The following AGBL1 variants were observed in gnomAD, a reference collection of about 807,000 sequenced individuals.
AGBL1 encodes cytosolic carboxypeptidase 4.
In AGBL1, 130 loss-of-function variants were observed where a neutral mutation model predicts 118.9. The ratio of observed to expected loss-of-function variants is 1.09; its 90% CI spans 0.95 to 1.26. The LOEUF (loss-of-function observed/expected upper bound fraction) is 1.26, where lower values mean the gene tolerates loss of function less well. AGBL1 is among the 50% of genes most tolerant of loss of function. The pLI, the probability that AGBL1 is intolerant of heterozygous loss-of-function variation, is 0.00. For synonymous variants in AGBL1, 555 were observed against 478.9 expected, an observed-to-expected ratio of 1.16 and a Z score of -2.08; for missense variants, 1,584 against 1,298.1, an observed-to-expected ratio of 1.22 and a Z score of -3.38.
chr15:86,805,740 A>T (rs2078706385), intron 22 of AGBL1, among the ~76,000 whole-genome samples: 1 of 152,154 alleles, frequency 6.6e-6, no homozygotes, highest in South Asian at 2.1e-4. Flanking sequence ...TAAAATGCTA[A>T]TTTTGCCCCA....
chr15:86,299,700 C>G (rs1218670281), intron 17 of AGBL1: 3 of 152,160 alleles, frequency 2.0e-5, no homozygotes, highest in Non-Finnish European at 1.5e-5. Context: ...AATCCTTCAA[C>G]ACATTATATG....
At chr15:86,148,247 C>T (rs1180451725) in intron 3 of AGBL1, among the ~76,000 whole-genome samples, 2 of 152,136 alleles carry the variant, frequency 1.3e-5, no homozygotes, top group East Asian at 3.9e-4. Context: ...CAGCTCCTTG[C>T]CAGCAACAGA....
rs762554172 is a variant in AGBL1, at chr15:86,402,258, C to T, written c.2555+4712C>T. ...AAGTGACTGAGTTCTTGATTTGATT[C>T]TCAGCTTAGTTACTGTTAGTGTATA... On this transcript the variant is annotated intron_variant, in intron 18 of 22. Transcript: ENST00000614907. Among the ~76,000 whole-genome samples, 54 of 151,822 alleles carry T rather than the reference C, an allele frequency of 3.6e-4. 1 individual carries two copies. Among genetic ancestry groups the T allele is most frequent in the African/African-American group, 1.3e-3 (53 of 41,394 alleles).
At chr15:86,656,097 A>G (rs901206451) in intron 21 of AGBL1, among the ~76,000 whole-genome samples, 4 of 152,172 alleles carry the variant, frequency 2.6e-5, no homozygotes, top group Non-Finnish European at 5.9e-5. Context: ...CTGCAGTGTA[A>G]TAGATAAAAT....
chr15:86,805,724 C>G (rs929990213), intron 22 of AGBL1, among the ~76,000 whole-genome samples: 3 of 151,862 alleles, frequency 2.0e-5, no homozygotes, highest in African/African-American at 7.3e-5. Context: ...GTATTTTTTT[C>G]CAAAATAAAA....
intron 5 of AGBL1, among the ~76,000 whole-genome samples, chr15:86,189,209 G>C (rs1210068909): frequency 6.6e-6 from 1 of 152,060 alleles, no homozygotes; most frequent in Non-Finnish European, 1.5e-5. Flanking sequence ...GTTAAACTTC[G>C]TGTTTTAAAA....
At chr15:86,824,270 A>G (rs186429723) in intron 22 of AGBL1, among the ~76,000 whole-genome samples, 132 of 151,940 alleles carry the variant, frequency 8.7e-4, no homozygotes, top group Admixed American at 1.6e-3. Context: ...ATACACAAAA[A>G]CCAATCATTT....
Position 86,987,894 on chromosome 15 carries a change from C to T in AGBL1, c.3222-93C>T, listed in dbSNP as rs903671538. ...CCTATTAAAGTTTGTTTTTCCCACT[C>T]AATAATATGTTTTTAAAATCCATCT... On this transcript the variant is annotated intron_variant, in intron 23 of 24. Coordinates refer to the AGBL1 transcript ENST00000441037. The T allele has an allele frequency of 2.1e-5, 31 of 1,477,142 alleles. No individual in the cohort carries two copies. The East Asian group carries it at 6.9e-4, about 33-fold the overall frequency. The allele number at this position is 1,477,142 out of a possible 1,614,324, so 91.5% of individuals were successfully genotyped here. A position where few individuals can be genotyped will look rare whatever the true frequency, so the allele number is the denominator to read the frequency against.
rs527514511 is a variant in AGBL1, at chr15:86,385,761, G to A, written c.2375-11605G>A. Among the ~76,000 whole-genome samples, 33 of 152,222 alleles carry A rather than the reference G, an allele frequency of 2.2e-4. No homozygotes were observed. The South Asian group carries it at 6.6e-3, about 31-fold the overall frequency. ...ACTCTCAATGGTCACATAAAGTGAAGGGTTCTGATGGGCGACCACTATCCA... is the reference window on the plus strand; with the variant it reads ...ACTCTCAATGGTCACATAAAGTGAAAGGTTCTGATGGGCGACCACTATCCA... On this transcript the variant is annotated intron_variant, in intron 17 of 22. Transcript: ENST00000614907.
At chr15:86,793,849 A>T (rs1212116473) in intron 22 of AGBL1, among the ~76,000 whole-genome samples, 2 of 152,238 alleles carry the variant, frequency 1.3e-5, no homozygotes, top group Non-Finnish European at 2.9e-5. Context: ...ATATGAAAAG[A>T]TGTTCACCAT....
At chr15:86,323,801 A>G (rs1260064688) in intron 17 of AGBL1, among the ~76,000 whole-genome samples, 1 of 152,220 alleles carries the variant, frequency 6.6e-6, no homozygotes, top group Non-Finnish European at 1.5e-5. Context: ...GTCATGGACC[A>G]TTGGTGCTCA....
intron 5 of AGBL1, among the ~76,000 whole-genome samples, chr15:86,214,154 T>C (rs1421180370): frequency 6.6e-6 from 1 of 152,248 alleles, no homozygotes; most frequent in Non-Finnish European, 1.5e-5. Flanking sequence ...TTGTCTTCAA[T>C]GTGCTCTTTA....
intron 17 of AGBL1, among the ~76,000 whole-genome samples, chr15:86,382,400 T>C (rs1309954031): frequency 6.6e-6 from 1 of 152,184 alleles, no homozygotes; most frequent in Non-Finnish European, 1.5e-5. Flanking sequence ...TCCGTCAGGC[T>C]CTCTGACCAG....
chr15:86,381,745 C>T (rs16976571), intron 17 of AGBL1, among the ~76,000 whole-genome samples: 15,889 of 152,006 alleles, frequency 0.1, 977 homozygotes, highest in African/African-American at 0.17. Flanking sequence ...CGTGAGAGGG[C>T]TTTCCTGCAG....
chr15:86,394,569 G>A (rs1171198626), intron 17 of AGBL1, among the ~76,000 whole-genome samples: 1 of 152,128 alleles, frequency 6.6e-6, no homozygotes, highest in Non-Finnish European at 1.5e-5. Flanking sequence ...GTGGTTTACT[G>A]TTCTCAAACA....
intron 17 of AGBL1, among the ~76,000 whole-genome samples, chr15:86,347,561 T>C (rs1202782401): frequency 1.3e-5 from 2 of 152,242 alleles, no homozygotes; most frequent in Admixed American, 6.5e-5. Flanking sequence ...TGCTCACTGA[T>C]ACAGAGGTGA....
chr15:86,555,443 A>G (rs1270465328), intron 21 of AGBL1, among the ~76,000 whole-genome samples: 1 of 152,210 alleles, frequency 6.6e-6, no homozygotes, highest in African/African-American at 2.4e-5. Context: ...ACAGGGTGTG[A>G]CAGGCAATGC....
At chr15:86,523,015 A>G (rs2083210957) in intron 19 of AGBL1, 76 bp downstream of exon 19, 2 of 1,516,782 alleles carry the variant, frequency 1.3e-6, no homozygotes, top group Non-Finnish European at 1.8e-6. Flanking sequence ...TATTCTGCCA[A>G]GGCAAGAATA....
chr15:86,970,021 AG>A (rs1254857000), intron 23 of AGBL1, among the ~76,000 whole-genome samples: 1 of 151,916 alleles, frequency 6.6e-6, no homozygotes, highest in African/African-American at 2.4e-5. Context: ...GCTGCTTTAC[AG>A]GGAAGAGTTG....
Sources: allele counts gnomAD v4.1 joint callset (sites outside exome capture counted in the v4.1 genomes callset), GRCh38; gene constraint gnomAD v4.1.1; transcripts MANE v1.5; gene names NCBI Gene and HGNC (gene_info 2026-07-23, HGNC 2026-07-21).